The following TENT4B variants were observed in gnomAD, a reference collection of about 807,000 sequenced individuals.
TENT4B encodes the protein terminal nucleotidyltransferase 4B.
A neutral mutation model predicts 75.0 loss-of-function variants in TENT4B; 10 were observed. That is an observed-to-expected ratio of 0.13 (90% CI 0.08 to 0.23). The LOEUF is 0.23. Among genes scored for constraint, TENT4B ranks in the 10% least tolerant of loss-of-function variants. The pLI is 1.00. For synonymous variants in TENT4B, 350 were observed against 357.7 expected, an observed-to-expected ratio of 0.98 and a Z score of 0.24; for missense variants, 579 against 893.8, an observed-to-expected ratio of 0.65 and a Z score of 4.49.
chr16:50,200,911 C>T (rs1048659379), intron 1 of TENT4B, among the ~76,000 whole-genome samples: 2 of 152,012 alleles, frequency 1.3e-5, no homozygotes, highest in Non-Finnish European at 2.9e-5. Flanking sequence ...ATCCTCTTGC[C>T]TCAGCCTTCC....
At chr16:50,225,638 C>T (rs1308937348) in intron 10 of TENT4B, among the ~76,000 whole-genome samples, 1 of 151,768 alleles carries the variant, frequency 6.6e-6, no homozygotes, top group African/African-American at 2.4e-5. Flanking sequence ...AGTACTGTAG[C>T]TTGTGCATCC....
chr16:50,181,974 T>A (rs1225277086), intron 1 of TENT4B, among the ~76,000 whole-genome samples: 1 of 152,128 alleles, frequency 6.6e-6, no homozygotes, highest in African/African-American at 2.4e-5. Context: ...TCAAGAATCA[T>A]CAAGAGATGC....
chr16:50,227,694 C>T (rs942124821), intron 10 of TENT4B, 145 bp from the exon 11 acceptor site: 3 of 841,280 alleles, frequency 3.6e-6, no homozygotes, highest in Non-Finnish European at 5.5e-6. Flanking sequence ...TTTAAACAAA[C>T]AGTTAATTTT....
Position 50,224,789 on chromosome 16 carries a change from A to G in TENT4B, c.1508+6A>G. 6.2e-7 allele frequency: 1 copy of G among 1,613,950 alleles called. No homozygotes were observed. The highest frequency in any genetic ancestry group is 8.5e-7 in the Non-Finnish European group (1 of 1,179,876). ...CCCAACAATGAAACAGAAAGGTAAA[A>G]GTTCATCTATAACCAGCCCATTGTG... is the stretch of plus-strand genomic sequence containing the variant. On this transcript the variant is annotated splice_donor_region_variant and intron_variant, in intron 8 of 11. Transcript: ENST00000561678.
intron 1 of TENT4B, among the ~76,000 whole-genome samples, chr16:50,184,063 A>G (rs1234809859): frequency 6.6e-6 from 1 of 151,774 alleles, no homozygotes; most frequent in Non-Finnish European, 1.5e-5. Flanking sequence ...TTCTCCCCTA[A>G]CCTCCCAGCA....
chr16:50,153,121 G>A (rs1398264771), upstream of TENT4B: 3 of 1,106,596 alleles, frequency 2.7e-6, no homozygotes, highest in South Asian at 4.4e-5. Flanking sequence ...GACGCACGGC[G>A]AGGCCTCCCG....
At chr16:50,184,407 G>C (rs1011537457) in intron 1 of TENT4B, among the ~76,000 whole-genome samples, 1 of 152,154 alleles carries the variant, frequency 6.6e-6, no homozygotes, top group African/African-American at 2.4e-5. Flanking sequence ...GGTGGCTCAC[G>C]CCTGTAATCC....
In TENT4B at chr16:50,230,564, G is replaced by A. The variant is rs2032258605; in HGVS notation, c.*1236G>A. The A allele has an allele frequency of 1.0e-6, 1 of 975,996 alleles. No homozygotes were observed. The highest frequency in any genetic ancestry group is 1.2e-6 in the Non-Finnish European group (1 of 821,102). The allele number at this position is 975,996 out of a possible 1,614,324, so 60.5% of individuals were successfully genotyped here. A position where few individuals can be genotyped will look rare whatever the true frequency, so the allele number is the denominator to read the frequency against. On this transcript the variant is annotated 3_prime_UTR_variant, in exon 12 of 12. Transcript: ENST00000561678. ...TATTGTTGATCTTTACAAATTAAAT[G>A]GTCTTTGATAATGGATCTATTTTGT...
intron 1 of TENT4B, among the ~76,000 whole-genome samples, chr16:50,185,171 C>CT (rs1005393744): frequency 6.6e-6 from 1 of 152,166 alleles, no homozygotes; most frequent in African/African-American, 2.4e-5. Flanking sequence ...ATTTCTGCAT[C>CT]TAAGTAATGA....
chr16:50,155,272 GGT>G (rs60683678), intron 1 of TENT4B, among the ~76,000 whole-genome samples: 252 of 135,472 alleles, frequency 1.9e-3, no homozygotes, highest in Middle Eastern at 3.7e-3. Flanking sequence ...GGGTCTCGTG[GGT>G]GTGTGTGTGT....
Position 50,231,819 on chromosome 16 carries a change from T to C in TENT4B, c.*2491T>C, listed in dbSNP as rs2032303940. On this transcript the variant is annotated 3_prime_UTR_variant, in exon 12 of 12. Coordinates refer to ENST00000561678, the MANE Select transcript of TENT4B (RefSeq NM_001365324.3). ...TTTTTCAATCTGAAGTAAAATACTT[T>C]CAAGAACTTTTAGTTTGCCTGCTCA... is the stretch of plus-strand genomic sequence containing the variant. 6.1e-6 allele frequency: 6 copies of C among 985,422 alleles called. No homozygotes were observed. Among genetic ancestry groups the C allele is most frequent in the Non-Finnish European group, 7.2e-6 (6 of 829,566 alleles). The allele number at this position is 985,422 out of a possible 1,614,324, so 61.0% of individuals were successfully genotyped here.
chr16:50,205,970 A>G (rs912095560), intron 1 of TENT4B, among the ~76,000 whole-genome samples: 1 of 152,244 alleles, frequency 6.6e-6, no homozygotes, highest in African/African-American at 2.4e-5. Flanking sequence ...AACATATTTG[A>G]CATCTTTATC....
At position 50,225,259 on chromosome 16, in the gene TENT4B, G is replaced by A; in HGVS notation, c.1774G>A (p.Ala592Thr). The change falls in exon 10 of 12, where the codon GCC becomes ACC. Residue 592 changes from alanine to threonine, a missense_variant. By Grantham distance (58) the Ala-to-Thr change is moderately conservative. Coordinates refer to ENST00000561678, the MANE Select transcript of TENT4B (RefSeq NM_001365324.3). ...ATCAGGTCCAGTGTCGTCCTCTTCT[G>A]CCACACAGTCCAGCTCTAGTGATGT... The part of the protein sequence containing the change: ...SSSGPVSSSS[A>T]TQSSSSDVDS... The A allele has an allele frequency of 1.2e-6, 2 of 1,613,866 alleles. No homozygotes were observed. The highest frequency in any genetic ancestry group is 1.7e-4 in the Middle Eastern group (1 of 6,060).
rs2032309184 is a variant in TENT4B at position 50,231,939 on chromosome 16, AT to A, written c.*2614del. The A allele has an allele frequency of 2.0e-6, 2 of 979,882 alleles. No homozygotes were observed. The highest frequency in any genetic ancestry group is 3.5e-5 in the African/African-American group (2 of 57,096). The allele number at this position is 979,882 out of a possible 1,614,324, so 60.7% of individuals were successfully genotyped here. On this transcript the variant is annotated 3_prime_UTR_variant, in exon 12 of 12. Coordinates refer to ENST00000561678, the MANE Select transcript of TENT4B (RefSeq NM_001365324.3). ...TTTGTGAATATATCAGAAATGTGTC[AT>A]TTATATATTAGAGTCCATTCATATC... is the stretch of plus-strand genomic sequence containing the variant.
intron 4 of TENT4B, among the ~76,000 whole-genome samples, chr16:50,217,167 CTA>C (rs1370704543): frequency 6.6e-6 from 1 of 152,070 alleles, no homozygotes; most frequent in Non-Finnish European, 1.5e-5. Flanking sequence ...ATCATTATAA[CTA>C]TATGTCAACT....
At chr16:50,217,263 T>C (rs1706502212) in intron 4 of TENT4B, among the ~76,000 whole-genome samples, 1 of 152,102 alleles carries the variant, frequency 6.6e-6, no homozygotes, top group Admixed American at 6.6e-5. Context: ...TATCAAAACA[T>C]GTACACCTTA....
chr16:50,229,204 C>T lies in TENT4B; in HGVS notation c.2018C>T (p.Thr673Ile). The T allele has an allele frequency of 6.2e-7, 1 of 1,613,884 alleles. No individual in the cohort carries two copies. Among genetic ancestry groups the T allele is most frequent in the Non-Finnish European group, 8.5e-7 (1 of 1,179,846 alleles). ...TCCAGCAAAGGCTTCCAAGGTACAA[C>T]TCAAACAAGCCATGGTTCCTTGATG... ...RSSSKGFQGTTQTSHGSLMTN... is the reference protein window; with the variant it reads ...RSSSKGFQGTIQTSHGSLMTN... The change falls in exon 12 of 12, where the codon ACT (threonine) becomes ATT (isoleucine). Residue 673 changes from threonine to isoleucine, a missense_variant. Around this residue, in one of 7 missense-constraint regions of TENT4B, gnomAD observed 164 missense variants for 226.5 expected, o/e 0.72. Transcript: ENST00000561678.
At chr16:50,170,104 T>G (rs2038176937) in intron 1 of TENT4B, among the ~76,000 whole-genome samples, 1 of 151,826 alleles carries the variant, frequency 6.6e-6, no homozygotes, top group African/African-American at 2.4e-5. Flanking sequence ...CAGGCTGGAG[T>G]GCAGTGGTGC....
At chr16:50,220,776 G>T (rs989491387) in intron 5 of TENT4B, among the ~76,000 whole-genome samples, 1 of 151,598 alleles carries the variant, frequency 6.6e-6, no homozygotes, top group Non-Finnish European at 1.5e-5. Context: ...AGATCCACCC[G>T]CCTCAGCCTC....
Sources: gnomAD v4.1 joint callset for allele counts (sites outside exome capture counted in the v4.1 genomes callset) on GRCh38, gnomAD v4.1.1 for gene constraint, gnomAD v4.1.1 regional missense constraint, MANE v1.5 for transcripts, NCBI Gene and HGNC (gene_info 2026-07-23, HGNC 2026-07-21) for gene names.